Variants in MEGF11 observed in about 807,000 individuals in gnomAD.
MEGF11 encodes multiple EGF like domains 11.
MEGF11 carries 126 observed loss-of-function variants against 146.6 expected under a neutral mutation model. The observed-to-expected ratio is 0.86, with a 90% CI of 0.74 to 1.00. MEGF11 has a LOEUF of 1.00. Ranked by LOEUF, MEGF11 falls within the 50% of genes least tolerant of loss-of-function variation. The pLI, the probability that MEGF11 is intolerant of heterozygous loss-of-function variation, is 0.00. For synonymous variants in MEGF11, 532 were observed against 583.4 expected (o/e 0.91, Z 1.27); for missense variants, 1,509 against 1,521.2 (o/e 0.99, Z 0.13).
rs767520450 is a variant in MEGF11, at chr15:65,965,600, CT to C, written c.900-481del. On this transcript the variant is annotated intron_variant, in intron 8 of 25. Coordinates refer to ENST00000395614, the MANE Select transcript of MEGF11 (RefSeq NM_001385028.1). ...TCTTTCTTTCTTTCTTTCTTTCTTTCTTTTTTTTTTTTCTTTTTTTTTTTTT... is the reference window on the plus strand; with the variant it reads ...TCTTTCTTTCTTTCTTTCTTTCTTTCTTTTTTTTTTTCTTTTTTTTTTTTT... 7.7e-3 allele frequency among the ~76,000 whole-genome samples: 145 copies of C among 18,742 alleles called. 1 individual carries two copies. Among genetic ancestry groups the C allele is most frequent in the South Asian group, 0.013 (4 of 318 alleles). 12.3% of individuals were successfully genotyped at this position (18,742 alleles called of 152,430 possible). A position where few individuals can be genotyped will look rare whatever the true frequency, so the allele number is the denominator to read the frequency against.
chr15:65,955,430 G>T (rs75265185), intron 10 of MEGF11, among the ~76,000 whole-genome samples: 14,392 of 149,118 alleles, frequency 0.097, 887 homozygotes, highest in Middle Eastern at 0.17. Context: ...TATAATCTTA[G>T]TAATGTGTTT....
intron 5 of MEGF11, 55 bp downstream of exon 5, chr15:66,094,347 C>A: frequency 6.9e-7 from 1 of 1,456,410 alleles, no homozygotes. Context: ...CCACAACCCA[C>A]TCCCCTACCA....
chr15:66,175,324 G>T (rs1017589526), intron 1 of MEGF11, among the ~76,000 whole-genome samples: 1 of 151,994 alleles, frequency 6.6e-6, no homozygotes, highest in African/African-American at 2.4e-5. Flanking sequence ...AAAACAACCC[G>T]AAAATGCGTA....
chr15:66,035,956 G>A (rs1185347608), intron 5 of MEGF11, among the ~76,000 whole-genome samples: 1 of 152,194 alleles, frequency 6.6e-6, no homozygotes, highest in East Asian at 1.9e-4. Flanking sequence ...CAGCCCACCT[G>A]CTTTCAGCAC....
At chr15:65,911,837 G>T (rs2078820611) in intron 21 of MEGF11, among the ~76,000 whole-genome samples, 1 of 152,182 alleles carries the variant, frequency 6.6e-6, no homozygotes, top group Non-Finnish European at 1.5e-5. Flanking sequence ...GGGTACAGGG[G>T]TATATGTTAT....
At chr15:66,128,185 C>G in intron 2 of MEGF11, 121 bp downstream of exon 2, 1 of 557,338 alleles carries the variant, frequency 1.8e-6, no homozygotes, top group South Asian at 3.7e-5. Context: ...GGCCATCTCC[C>G]CAGCCAGGCT....
At chr15:66,118,700 T>C (rs1741828210) in intron 4 of MEGF11, among the ~76,000 whole-genome samples, 1 of 152,078 alleles carries the variant, frequency 6.6e-6, no homozygotes, top group African/African-American at 2.4e-5. Flanking sequence ...TACCCATCCA[T>C]CTCTCCTTCC....
At chr15:66,002,066 G>T (rs1359434947) in intron 5 of MEGF11, among the ~76,000 whole-genome samples, 2 of 152,108 alleles carry the variant, frequency 1.3e-5, no homozygotes, top group African/African-American at 4.8e-5. Flanking sequence ...CAAGGAAGTT[G>T]TTGGGGATTG....
intron 1 of MEGF11, 21 bp downstream of exon 1, chr15:66,253,584 G>T (rs2092407136): frequency 6.7e-6 from 1 of 149,500 alleles, no homozygotes; most frequent in East Asian, 2.1e-4. Context: ...GCGTCCTCGC[G>T]GTCCCCACTC....
At position 65,922,403 on chromosome 15, in the gene MEGF11, G is replaced by C; in HGVS notation, c.1892C>G (p.Pro631Arg). The change falls in exon 15 of 26, where the codon CCC becomes CGC. Residue 631 changes from proline (P) to arginine (R), a missense_variant. Transcript: ENST00000395614. ...PCPLCVHSSR[P>R]CHHISGICEC... is the part of the protein sequence containing the mutation. ...ACAGATGCCGCTGATGTGGTGGCAG[G>C]GCCTGCTGCTGTGCACGCAGAGGGG... 2 of 1,597,436 alleles carry C rather than the reference G, an allele frequency of 1.3e-6. No homozygotes were observed. Among genetic ancestry groups the C allele is most frequent in the Non-Finnish European group, 1.7e-6 (2 of 1,172,478 alleles).
chr15:66,159,741 T>C (rs1037213945), intron 1 of MEGF11, among the ~76,000 whole-genome samples: 2 of 151,986 alleles, frequency 1.3e-5, no homozygotes, highest in Non-Finnish European at 2.9e-5. Flanking sequence ...TGGGGACCTT[T>C]TGGGGAAGGG....
chr15:65,935,468 T>C (rs571666772), intron 10 of MEGF11, among the ~76,000 whole-genome samples: 9 of 149,608 alleles, frequency 6.0e-5, no homozygotes, highest in African/African-American at 2.0e-4. Flanking sequence ...TCCAGATAGA[T>C]AGTGTCAGAA....
intron 1 of MEGF11, among the ~76,000 whole-genome samples, chr15:66,147,741 G>A (rs1268547332): frequency 6.6e-6 from 1 of 152,122 alleles, no homozygotes; most frequent in African/African-American, 2.4e-5. Flanking sequence ...CTGGAGGGGG[G>A]CTCAGCCCCA....
intron 4 of MEGF11, among the ~76,000 whole-genome samples, chr15:66,109,345 G>C (rs569481745): frequency 6.6e-6 from 1 of 152,288 alleles, no homozygotes; most frequent in South Asian, 2.1e-4. Flanking sequence ...TGTCCGGGCA[G>C]TGTCCTGACC....
intron 1 of MEGF11, among the ~76,000 whole-genome samples, chr15:66,194,277 T>C (rs1323001634): frequency 6.6e-6 from 1 of 152,060 alleles, no homozygotes; most frequent in Non-Finnish European, 1.5e-5. Flanking sequence ...TTCTTACTCA[T>C]AAATGGGAGC....
intron 1 of MEGF11, among the ~76,000 whole-genome samples, chr15:66,147,514 G>A (rs1274879027): frequency 6.6e-6 from 1 of 152,226 alleles, no homozygotes; most frequent in African/African-American, 2.4e-5. Context: ...CATTGCCACG[G>A]TTGCTGGGAG....
At chr15:66,180,085 G>C (rs1433958143) in intron 1 of MEGF11, among the ~76,000 whole-genome samples, 2 of 152,166 alleles carry the variant, frequency 1.3e-5, no homozygotes, top group African/African-American at 4.8e-5. Flanking sequence ...ACTCTGTAAA[G>C]TTCTCCACAG....
At chr15:66,060,744 C>T (rs145823170) in intron 5 of MEGF11, among the ~76,000 whole-genome samples, 1 of 152,328 alleles carries the variant, frequency 6.6e-6, no homozygotes, top group Non-Finnish European at 1.5e-5. Flanking sequence ...CATCCCGTGT[C>T]CTCGCAGCAC....
intron 5 of MEGF11, among the ~76,000 whole-genome samples, chr15:66,052,324 G>A (rs571561874): frequency 9.9e-5 from 15 of 152,270 alleles, no homozygotes; most frequent in African/African-American, 2.2e-4. Flanking sequence ...TGGCCCAGCC[G>A]TCCTTGTTAC....
Sources: gnomAD v4.1 joint callset for allele counts (sites outside exome capture counted in the v4.1 genomes callset) on GRCh38, gnomAD v4.1.1 for gene constraint, MANE v1.5 for transcripts, NCBI Gene and HGNC (gene_info 2026-07-23, HGNC 2026-07-21) for gene names.